Variants in MOCOS observed in about 807,000 individuals in gnomAD.
The protein encoded by MOCOS is molybdenum cofactor sulfurase.
MOCOS carries 86 observed loss-of-function variants against 83.6 expected under a neutral mutation model. The observed-to-expected ratio is 1.03, with a 90% CI of 0.86 to 1.23. The LOEUF (loss-of-function observed/expected upper bound fraction) is 1.23, where lower values mean the gene tolerates loss of function less well. Among genes scored for constraint, MOCOS ranks in the 50% most tolerant of loss-of-function variants. MOCOS has a pLI of 0.00. For missense variants in MOCOS, 1,120 were observed against 1,126.9 expected (o/e 0.99, Z 0.09); for synonymous variants, 445 against 434.7 (o/e 1.02, Z -0.29).
At chr18:36,259,974 A>G in intron 12 of MOCOS, 63 bp from the exon 13 acceptor site, 2 of 1,600,228 alleles carry the variant, frequency 1.2e-6, no homozygotes, top group Non-Finnish European at 1.7e-6. Flanking sequence ...ATGATGAATT[A>G]TTATAGTGGT....
chr18:36,259,756 C>T (rs2144151325), intron 12 of MOCOS, among the ~76,000 whole-genome samples: 1 of 152,310 alleles, frequency 6.6e-6, no homozygotes, highest in East Asian at 1.9e-4. Context: ...TTTCCAAAGT[C>T]CTTCATCTCT....
chr18:36,245,496 C>T (rs1003146822), intron 9 of MOCOS, among the ~76,000 whole-genome samples: 2 of 152,206 alleles, frequency 1.3e-5, no homozygotes, highest in Non-Finnish European at 2.9e-5. Context: ...GAGAAATCTG[C>T]TGTTAATCTG....
intron 6 of MOCOS, among the ~76,000 whole-genome samples, chr18:36,206,662 C>T (rs1030651523): frequency 7.2e-5 from 11 of 152,298 alleles, no homozygotes; most frequent in East Asian, 3.9e-4. Context: ...AAGTAGGCCC[C>T]GGTGGCCGTG....
Position 36,187,565 on chromosome 18 carries a change from G to C in MOCOS, c.26G>C (p.Gly9Ala). The C allele has an allele frequency of 8.0e-7, 1 of 1,244,582 alleles. No homozygotes were observed. Among genetic ancestry groups the C allele is most frequent in the Admixed American group, 4.1e-5 (1 of 24,448 alleles). The allele number at this position is 1,244,582 out of a possible 1,614,324, so 77.1% of individuals were successfully genotyped here. ...ATGGCCGGCGCGGCGGCGGAGTCAGGGCGGGAGCTGTGGACCTTCGCGGGT... is the reference window on the plus strand; with the variant it reads ...ATGGCCGGCGCGGCGGCGGAGTCAGCGCGGGAGCTGTGGACCTTCGCGGGT... MAGAAAES[G>A]RELWTFAGSR... is the part of the protein sequence containing the mutation. The change falls in exon 1 of 15, where the codon GGG (glycine) becomes GCG (alanine). Residue 9 changes from glycine (G) to alanine (A), a missense_variant. Gly to Ala is a moderately conservative substitution (Grantham distance 60). Transcript: ENST00000261326.
In MOCOS at chr18:36,199,781, G is replaced by A; in HGVS notation, c.398G>A (p.Trp133Ter). The A allele has an allele frequency of 6.2e-7, 1 of 1,614,124 alleles. No individual in the cohort carries two copies. The highest frequency in any genetic ancestry group is 8.5e-7 in the Non-Finnish European group (1 of 1,180,038). ...AAACTGGTGGCAGAGGCCTTTCCAT[G>A]GGTGTCCCAGGGCCCAGAGAGCAGT... Reference protein sequence around the residue: ...ALKLVAEAFPWVSQGPESSGS... With the variant: ...ALKLVAEAFP The change falls in exon 4 of 15, where the codon TGG becomes TAG. Residue 133 changes from tryptophan to a stop codon, truncating the protein, a stop_gained. Transcript: ENST00000261326. LOFTEE classifies it high-confidence loss of function.
At chr18:36,236,871 G>T (rs1297563292) in intron 9 of MOCOS, among the ~76,000 whole-genome samples, 2 of 149,914 alleles carry the variant, frequency 1.3e-5, no homozygotes, top group African/African-American at 4.9e-5. Flanking sequence ...TGGATTCCTA[G>T]GTATTTTATT....
rs59497149 is a variant in MOCOS at position 36,241,089 on chromosome 18, G to A, written c.1961-7833G>A. 8.2e-3 allele frequency among the ~76,000 whole-genome samples: 1,248 copies of A among 152,196 alleles called. 12 individuals are homozygous for A. Among genetic ancestry groups the A allele is most frequent in the African/African-American group, 0.028 (1,168 of 41,532 alleles). ...TCAGATGAAAATGCAGAAATCACCC[G>A]TCTTCTGCGTCGCTCAGGCTGGGAG... On this transcript the variant is annotated intron_variant, in intron 9 of 14. Transcript: ENST00000261326.
rs1598871331 is a variant in MOCOS, at chr18:36,199,680, C to T, written c.300-3C>T. ...GGTTGCGGGGATGCTGTGCTTCTTC[C>T]AGAATCCTGGCGCACTTCCACACCA... On this transcript the variant is annotated splice_region_variant and splice_polypyrimidine_tract_variant and intron_variant, in intron 3 of 14. Coordinates refer to ENST00000261326, the MANE Select transcript of MOCOS (RefSeq NM_017947.4). The T allele has an allele frequency of 1.9e-6, 3 of 1,613,438 alleles. No individual in the cohort carries two copies. Among genetic ancestry groups the T allele is most frequent in the East Asian group, 2.2e-5 (1 of 44,884 alleles).
Position 36,270,710 on chromosome 18 carries a change from T to TC in MOCOS, c.*2026dup, listed in dbSNP as rs2091696494. 1.4e-5 allele frequency: 1 copy of TC among 71,736 alleles called. No individual in the cohort carries two copies. The highest frequency in any genetic ancestry group is 2.4e-5 in the Non-Finnish European group (1 of 41,896). 4.4% of individuals were successfully genotyped at this position (71,736 alleles called of 1,614,324 possible). A position where few individuals can be genotyped will look rare whatever the true frequency, so the allele number is the denominator to read the frequency against. Reference sequence around the variant, plus strand: ...CCTGGTGACAGAGCAAGACTCCATCTCAAAAAAAAAAAAAAAAAAATTAGG... The same window carrying TC: ...CCTGGTGACAGAGCAAGACTCCATCTCCAAAAAAAAAAAAAAAAAAATTAGG... On this transcript the variant is annotated 3_prime_UTR_variant, in exon 15 of 15. Coordinates refer to ENST00000261326, the MANE Select transcript of MOCOS (RefSeq NM_017947.4).
At chr18:36,195,024 A>T (rs1333093023) in intron 1 of MOCOS, among the ~76,000 whole-genome samples, 2 of 152,230 alleles carry the variant, frequency 1.3e-5, no homozygotes, top group Non-Finnish European at 2.9e-5. Context: ...GGTTCACAAA[A>T]GAGTGAAGAG....
chr18:36,226,708 T>G (rs2091516943), intron 9 of MOCOS, among the ~76,000 whole-genome samples: 1 of 17,202 alleles, frequency 5.8e-5, no homozygotes, highest in South Asian at 0.014. Flanking sequence ...CTTCTATAGG[T>G]TTTTTCTTTT....
intron 13 of MOCOS, among the ~76,000 whole-genome samples, chr18:36,261,397 G>C (rs973662228): frequency 6.6e-6 from 1 of 152,004 alleles, no homozygotes; most frequent in East Asian, 1.9e-4. Context: ...ATCTCAAAAT[G>C]CTTCTGGTGT....
Position 36,215,946 on chromosome 18 carries a change from T to C in MOCOS, c.1766T>C (p.Leu589Pro). The C allele has an allele frequency of 6.2e-7, 1 of 1,613,638 alleles. No homozygotes were observed. The highest frequency in any genetic ancestry group is 8.5e-7 in the Non-Finnish European group (1 of 1,179,892). The change falls in exon 8 of 15, where the codon CTC becomes CCC. Residue 589 changes from leucine to proline, a missense_variant. By Grantham distance (98) the Leu-to-Pro change is moderately conservative (BLOSUM62 -3). Transcript: ENST00000261326. The stretch of plus-strand genomic sequence containing the variant: ...CCACATGTTGTCACTAACCTTTATC[T>C]CTATCCAATCAAATCCTGTGCTGCA... ...LGPHVVTNLY[L>P]YPIKSCAAFE... is the part of the protein sequence containing the mutation.
intron 7 of MOCOS, among the ~76,000 whole-genome samples, chr18:36,214,045 C>T (rs2091466032): frequency 6.6e-6 from 1 of 151,574 alleles, no homozygotes; most frequent in Admixed American, 6.6e-5. Flanking sequence ...AGTTCATGAC[C>T]AGCCTGACCA....
At chr18:36,212,707 G>A (rs1215284261) in intron 6 of MOCOS, among the ~76,000 whole-genome samples, 2 of 152,142 alleles carry the variant, frequency 1.3e-5, no homozygotes, top group African/African-American at 2.4e-5. Flanking sequence ...CTGACCACAC[G>A]GTGACCTCTG....
chr18:36,233,269 A>G (rs994810896), intron 9 of MOCOS, among the ~76,000 whole-genome samples: 4 of 152,216 alleles, frequency 2.6e-5, no homozygotes, highest in African/African-American at 9.6e-5. Context: ...GAGAGAACAT[A>G]CAATGTTTGT....
intron 6 of MOCOS, among the ~76,000 whole-genome samples, chr18:36,205,661 G>C (rs1268946322): frequency 6.6e-6 from 1 of 152,226 alleles, no homozygotes; most frequent in East Asian, 1.9e-4. Flanking sequence ...TCCCAGAGCA[G>C]CACTGTGGGG....
chr18:36,219,029 C>T (rs374047280), intron 8 of MOCOS, among the ~76,000 whole-genome samples: 13 of 150,228 alleles, frequency 8.7e-5, no homozygotes, highest in African/African-American at 2.4e-4. Context: ...CCATCAAGCC[C>T]GGCTAATTTT....
In MOCOS at chr18:36,203,594, C is replaced by T. The variant is rs376358388; in HGVS notation, c.1018+405C>T. Among the ~76,000 whole-genome samples, 9 of 152,176 alleles carry T rather than the reference C, an allele frequency of 5.9e-5. No individual in the cohort carries two copies. In the South Asian group the frequency reaches 8.3e-4, roughly 14 times the overall value. Reference sequence around the variant, plus strand: ...TGAGCTGATGCTCAGAGAGGTTAAACGCCTTCCAGGCCAGGGAGCTGGAAA... The same window carrying T: ...TGAGCTGATGCTCAGAGAGGTTAAATGCCTTCCAGGCCAGGGAGCTGGAAA... On this transcript the variant is annotated intron_variant, in intron 5 of 14. Coordinates refer to ENST00000261326, the MANE Select transcript of MOCOS (RefSeq NM_017947.4).
Sources: gnomAD v4.1 joint callset for allele counts (sites outside exome capture counted in the v4.1 genomes callset) on GRCh38, gnomAD v4.1.1 for gene constraint, MANE v1.5 for transcripts, NCBI Gene and HGNC (gene_info 2026-07-23, HGNC 2026-07-21) for gene names.